CDH7: variants seen among roughly 807,000 people sequenced by gnomAD.
The protein encoded by CDH7 is cadherin-7.
CDH7 carries 25 observed loss-of-function variants against 71.8 expected under a neutral mutation model. The ratio of observed to expected loss-of-function variants is 0.35; its 90% CI spans 0.25 to 0.49. The LOEUF (loss-of-function observed/expected upper bound fraction) is 0.49, where lower values mean the gene tolerates loss of function less well. Ranked by LOEUF, CDH7 falls within the 20% of genes least tolerant of loss-of-function variation. The pLI, the probability that CDH7 is intolerant of heterozygous loss-of-function variation, is 0.99. For missense variants in CDH7, 862 were observed against 974.6 expected (o/e 0.88, Z 1.54); for synonymous variants, 381 against 363.8 (o/e 1.05, Z -0.54).
Position 65,758,255 on chromosome 18 carries a change from T to C in CDH7, c.-196-4392T>C, listed in dbSNP as rs187852812. ...TAAAATAATGCTTCAGAGCCCTTAT[T>C]TCTTTCATGATACCCAGCTCAGGAC... is the stretch of plus-strand genomic sequence containing the variant. On this transcript the variant is annotated intron_variant, in intron 1 of 11. Transcript: ENST00000397968. Among the ~76,000 whole-genome samples, 35 of 152,324 alleles carry C rather than the reference T, an allele frequency of 2.3e-4. No homozygotes were observed. The East Asian group carries it at 5.4e-3, about 23-fold the overall frequency.
chr18:65,878,848 G>A (rs951086299), intron 11 of CDH7, among the ~76,000 whole-genome samples: 4 of 152,138 alleles, frequency 2.6e-5, no homozygotes, highest in Non-Finnish European at 5.9e-5. Flanking sequence ...AAATGTATCA[G>A]TTTCTGAACT....
At chr18:65,780,704 G>A (rs1910148348) in intron 2 of CDH7, among the ~76,000 whole-genome samples, 1 of 151,226 alleles carries the variant, frequency 6.6e-6, no homozygotes, top group East Asian at 1.9e-4. Flanking sequence ...TTTGGTTACT[G>A]TAGCCTTGTA....
chr18:65,874,015 A>G (rs1568232554), intron 11 of CDH7, among the ~76,000 whole-genome samples: 1 of 152,174 alleles, frequency 6.6e-6, no homozygotes, highest in South Asian at 2.1e-4. Flanking sequence ...TTATTAATCC[A>G]TTTATCAAAT....
At chr18:65,788,845 A>G (rs1910604988) in intron 2 of CDH7, among the ~76,000 whole-genome samples, 4 of 152,224 alleles carry the variant, frequency 2.6e-5, no homozygotes, top group Admixed American at 2.6e-4. Flanking sequence ...TGCCCTACCC[A>G]AGTTTAGATT....
intron 1 of CDH7, among the ~76,000 whole-genome samples, chr18:65,757,789 A>ATC: frequency 7.0e-6 from 1 of 143,518 alleles, no homozygotes; most frequent in East Asian, 2.0e-4. Flanking sequence ...ATATATATAT[A>ATC]TATTTTTTTT....
In CDH7 at chr18:65,762,707, A is replaced by G. The variant is rs1703716653; in HGVS notation, c.-136A>G. 7 of 665,846 alleles carry G rather than the reference A, an allele frequency of 1.1e-5. No homozygotes were observed. Among genetic ancestry groups the G allele is most frequent in the Non-Finnish European group, 1.3e-5 (5 of 395,310 alleles). 41.2% of individuals were successfully genotyped at this position (665,846 alleles called of 1,614,324 possible). A position where few individuals can be genotyped will look rare whatever the true frequency, so the allele number is the denominator to read the frequency against. On this transcript the variant is annotated 5_prime_UTR_variant, in exon 2 of 12. Transcript: ENST00000397968. ...AGCAGTGGTGACCTCTTCCAATCCA[A>G]CACTCTACAGATTATTATCTCTGGA...
chr18:65,776,361 AACACACACACACACAC>A (rs66695422), intron 2 of CDH7, among the ~76,000 whole-genome samples: 1 of 139,636 alleles, frequency 7.2e-6, no homozygotes, highest in Non-Finnish European at 1.5e-5. Context: ...GAAAGTACAG[AACACACACACACACAC>A]ACACACACAC....
chr18:65,768,288 C>A (rs1016557307), intron 2 of CDH7, among the ~76,000 whole-genome samples: 16 of 151,644 alleles, frequency 1.1e-4, no homozygotes, highest in Admixed American at 2.6e-4. Flanking sequence ...CAGACTGGCA[C>A]GTAGTGACGC....
chr18:65,782,103 C>CTTCCTTCCTTCCTTCCTTCT (rs1910307407), intron 2 of CDH7, among the ~76,000 whole-genome samples: 1 of 31,000 alleles, frequency 3.2e-5, no homozygotes, highest in African/African-American at 2.9e-4. Context: ...TCCTTCCTTC[C>CTTCCTTCCTTCCTTCCTTCT]TTCCTTCTTT....
At position 65,887,410 on chromosome 18, in the gene CDH7, T is replaced by TC. The variant is rs924868866; in HGVS notation, c.*6522dup. ...TAGGTATATCTCCTAATTCTATCCCTCCCCCCTCCCCCTACCCCACAACAG... is the reference window on the plus strand; with the variant it reads ...TAGGTATATCTCCTAATTCTATCCCTCCCCCCCTCCCCCTACCCCACAACAG... On this transcript the variant is annotated 3_prime_UTR_variant, in exon 12 of 12. Transcript: ENST00000397968. 7.8e-6 allele frequency: 1 copy of TC among 128,478 alleles called. No individual in the cohort carries two copies. The highest frequency in any genetic ancestry group is 2.8e-4 in the South Asian group (1 of 3,514). The allele number at this position is 128,478 out of a possible 1,614,324, so 8.0% of individuals were successfully genotyped here.
At chr18:65,801,817 T>C (rs8092010) in intron 2 of CDH7, among the ~76,000 whole-genome samples, 91,945 of 152,160 alleles carry the variant, frequency 0.6, 29,457 homozygotes, top group East Asian at 0.97. Context: ...TTTCTCCCCT[T>C]AACCAAATGC....
chr18:65,795,588 G>T (rs2143868405), intron 2 of CDH7, among the ~76,000 whole-genome samples: 1 of 152,234 alleles, frequency 6.6e-6, no homozygotes, highest in African/African-American at 2.4e-5. Flanking sequence ...AAGAGCAAAT[G>T]AACACTCTTA....
intron 7 of CDH7, among the ~76,000 whole-genome samples, chr18:65,846,249 G>A (rs1218496436): frequency 6.6e-6 from 1 of 152,052 alleles, no homozygotes; most frequent in Non-Finnish European, 1.5e-5. Flanking sequence ...GTCAAAGGCA[G>A]AACTTCTGAT....
At chr18:65,771,138 GC>G (rs1916530876) in intron 2 of CDH7, among the ~76,000 whole-genome samples, 1 of 152,022 alleles carries the variant, frequency 6.6e-6, no homozygotes, top group African/African-American at 2.4e-5. Context: ...TAGTTTACTT[GC>G]AAAAGACATA....
At chr18:65,802,539 G>T (rs751219671) in intron 2 of CDH7, among the ~76,000 whole-genome samples, 1 of 152,122 alleles carries the variant, frequency 6.6e-6, no homozygotes, top group Non-Finnish European at 1.5e-5. Context: ...TTCTTCTTTT[G>T]ATAAAGAGCT....
At chr18:65,763,634 A>G (rs936098059) in intron 2 of CDH7, among the ~76,000 whole-genome samples, 2 of 142,786 alleles carry the variant, frequency 1.4e-5, no homozygotes, top group Non-Finnish European at 3.1e-5. Flanking sequence ...TGTGTGTGTT[A>G]GGTTGCTTTA....
chr18:65,782,297 G>C (rs1411022618), intron 2 of CDH7, among the ~76,000 whole-genome samples: 1 of 151,520 alleles, frequency 6.6e-6, no homozygotes, highest in Admixed American at 6.6e-5. Flanking sequence ...CTCCTGAATA[G>C]CTGGGATTAC....
At chr18:65,770,030 G>T (rs879692941) in intron 2 of CDH7, among the ~76,000 whole-genome samples, 4 of 152,142 alleles carry the variant, frequency 2.6e-5, no homozygotes, top group Non-Finnish European at 5.9e-5. Context: ...AAATACTACT[G>T]CTGGTTTGAG....
At chr18:65,851,360 C>G (rs1175344050) in intron 7 of CDH7, among the ~76,000 whole-genome samples, 1 of 152,048 alleles carries the variant, frequency 6.6e-6, no homozygotes, top group Non-Finnish European at 1.5e-5. Flanking sequence ...ATGAAATTTT[C>G]CCATGTTTTT....
Sources: allele counts gnomAD v4.1 joint callset (sites outside exome capture counted in the v4.1 genomes callset), GRCh38; gene constraint gnomAD v4.1.1; transcripts MANE v1.5; gene names NCBI Gene and HGNC (gene_info 2026-07-23, HGNC 2026-07-21).